The following NEK8 variants were observed in gnomAD, a reference collection of about 807,000 sequenced individuals.
NEK8 encodes NIMA related kinase 8, also known as serine/threonine-protein kinase Nek8.
A neutral mutation model predicts 77.2 loss-of-function variants in NEK8; 51 were observed. That is an observed-to-expected ratio of 0.66 (90% CI 0.53 to 0.83). The LOEUF (loss-of-function observed/expected upper bound fraction) is 0.83. NEK8 is among the 40% of genes least tolerant of loss of function. The probability of loss-of-function intolerance (pLI) is 0.00; values close to 1 mark genes in which losing one functional copy is unlikely to be tolerated. For synonymous variants in NEK8, 365 were observed against 363.2 expected (o/e 1.00, Z -0.06); for missense variants, 787 against 909.2 (o/e 0.87, Z 1.73).
intron 1 of NEK8, among the ~76,000 whole-genome samples, chr17:28,732,211 T>G (rs1597804339): frequency 6.6e-6 from 1 of 151,986 alleles, no homozygotes; most frequent in East Asian, 1.9e-4. Context: ...CCCAGCACTT[T>G]GGGAGGCCGA....
At position 28,737,772 on chromosome 17, in the gene NEK8, C is replaced by T; in HGVS notation, c.889+36C>T. 6.2e-7 allele frequency: 1 copy of T among 1,614,074 alleles called. No homozygotes were observed. The highest frequency in any genetic ancestry group is 8.5e-7 in the Non-Finnish European group (1 of 1,179,940). ...AGAGGCCGCCAGTCCCCATGGATGC[C>T]ACACCATTCCCATCAGTTTAATAGT... On this transcript the variant is annotated intron_variant, in intron 6 of 14. Transcript: ENST00000268766. The surrounding 1 kb of genome is among the most constrained non-coding windows in gnomAD (Gnocchi z 4.8).
Position 28,737,389 on chromosome 17 carries a change from G to A in NEK8, c.702G>A (p.Leu234=). ...SDRYSPELRQ[L]VLSLLSLEPA... is the part of the protein sequence containing the mutation. ...GGTACAGCCCTGAGCTTCGCCAGCTGGTCCTGAGTCTACTCAGCCTGGAGC... is the reference window on the plus strand; with the variant it reads ...GGTACAGCCCTGAGCTTCGCCAGCTAGTCCTGAGTCTACTCAGCCTGGAGC... The change falls in exon 5 of 15, where the codon CTG becomes CTA. Residue 234 remains leucine, a synonymous_variant. Transcript: ENST00000268766. This position sits in a 1 kb window ranked among gnomAD's most constrained non-coding sequence, Gnocchi z 4.8. 1 of 1,613,806 alleles carries A rather than the reference G, an allele frequency of 6.2e-7. No homozygotes were observed. The highest frequency in any genetic ancestry group is 8.5e-7 in the Non-Finnish European group (1 of 1,180,034).
chr17:28,739,157 T>C lies in NEK8; in HGVS notation c.1373T>C (p.Leu458Pro). ...VACGASHVLA[L>P]STERELFAWG... ...TGTGGGGCCTCTCACGTGCTGGCCC[T>C]GTCCACTGAGCGAGAACTATTTGCC... Residue 458 changes from leucine to proline, a missense_variant, in exon 10 of 15, where the codon CTG (leucine) becomes CCG (proline). Physicochemically the swap from Leu to Pro is moderately conservative, Grantham distance 98 (BLOSUM62 -3). Around this residue, in one of 2 missense-constraint regions of NEK8, gnomAD observed 516 missense variants for 544.0 expected, o/e 0.95. Coordinates refer to ENST00000268766, the MANE Select transcript of NEK8 (RefSeq NM_178170.3). The C allele has an allele frequency of 6.2e-7, 1 of 1,614,166 alleles. No individual in the cohort carries two copies. Among genetic ancestry groups the C allele is most frequent in the Non-Finnish European group, 8.5e-7 (1 of 1,179,996 alleles).
intron 1 of NEK8, among the ~76,000 whole-genome samples, chr17:28,731,263 G>A (rs533727145): frequency 1.3e-5 from 2 of 151,950 alleles, no homozygotes; most frequent in East Asian, 1.9e-4. Flanking sequence ...CAAAAAGGCC[G>A]GGCGTGGGGG....
Position 28,740,864 on chromosome 17 carries a change from G to A in NEK8, c.1611G>A (p.Glu537=), listed in dbSNP as rs1212577862. The A allele has an allele frequency of 1.9e-6, 3 of 1,613,972 alleles. No homozygotes were observed. The highest frequency in any genetic ancestry group is 2.2e-5 in the East Asian group (1 of 44,892). ...TGGACCACCTCTCCCTGGGGGAGGA[G>A]CCTGTCCCCCACCAGCAAGTGGAGG... ...LGLDHLSLGE[E]PVPHQQVEEA... Residue 537 remains glutamate, a synonymous_variant, in exon 12 of 15, where the codon GAG becomes GAA. Transcript: ENST00000268766. The surrounding 1 kb of genome is among the most constrained non-coding windows in gnomAD (Gnocchi z 4.7).
intron 10 of NEK8, 117 bp downstream of exon 10, chr17:28,739,318 CTTCA>C (rs1366960291): frequency 1.2e-6 from 1 of 800,440 alleles, no homozygotes; most frequent in African/African-American, 1.7e-5. Context: ...CTCAAATTCT[CTTCA>C]TTCATTCAAC....
In NEK8 at chr17:28,737,521, G is replaced by T. The variant is rs1376832922; in HGVS notation, c.827+7G>T. 2 of 1,613,030 alleles carry T rather than the reference G, an allele frequency of 1.2e-6. No homozygotes were observed. The highest frequency in any genetic ancestry group is 2.7e-5 in the African/African-American group (2 of 75,056). On this transcript the variant is annotated splice_region_variant and intron_variant, in intron 5 of 14. Transcript: ENST00000268766. The surrounding 1 kb of genome is among the most constrained non-coding windows in gnomAD (Gnocchi z 4.8). ...GCAGTGTCCGCATGCGGAGGCCTGT[G>T]CAGGGACAGCGAGCGGTCCTGGGCG...
Position 28,738,100 on chromosome 17 carries a change from A to G in NEK8, c.1077A>G (p.Pro359=), listed in dbSNP as rs775731270. Residue 359 remains proline, a synonymous_variant, in exon 8 of 15, where the codon CCA becomes CCG. Transcript: ENST00000268766. The part of the protein sequence containing the change: ...RSGRLILWEA[P]PLGAGGGSLL... ...CCATCCCCCTGCCCCTGCAGGCCCCACCCCTAGGTGCAGGCGGAGGCAGTC... is the reference window on the plus strand; with the variant it reads ...CCATCCCCCTGCCCCTGCAGGCCCCGCCCCTAGGTGCAGGCGGAGGCAGTC... 6.2e-7 allele frequency: 1 copy of G among 1,613,314 alleles called. No individual in the cohort carries two copies. Among genetic ancestry groups the G allele is most frequent in the Non-Finnish European group, 8.5e-7 (1 of 1,179,704 alleles).
At chr17:28,734,519 C>CAAA in intron 2 of NEK8, 13 of 484,664 alleles carry the variant, frequency 2.7e-5, no homozygotes, top group Non-Finnish European at 4.0e-5. Context: ...ACTAAAAATA[C>CAAA]AAAAAAAAAA....
At position 28,743,054 on chromosome 17, in the gene NEK8, C is replaced by T. The variant is rs190545060; in HGVS notation, c.*1067C>T. On this transcript the variant is annotated 3_prime_UTR_variant, in exon 15 of 15. Transcript: ENST00000268766. Reference sequence around the variant, plus strand: ...CACCACTGCACTCCAGCCTGGATGACAGAGCAAGTCTCCCTCTCAAAAAAA... The same window carrying T: ...CACCACTGCACTCCAGCCTGGATGATAGAGCAAGTCTCCCTCTCAAAAAAA... The T allele has an allele frequency of 8.3e-6, 1 of 120,318 alleles. No homozygotes were observed. Among genetic ancestry groups the T allele is most frequent in the Non-Finnish European group, 1.6e-5 (1 of 63,222 alleles). The allele number at this position is 120,318 out of a possible 1,614,324, so 7.5% of individuals were successfully genotyped here.
In NEK8 at chr17:28,734,066, A is replaced by T. The variant is rs202217310; in HGVS notation, c.131A>T (p.Glu44Val). Residue 44 changes from glutamate (E) to valine (V), a missense_variant, in exon 2 of 15, where the codon GAG becomes GTG. Physicochemically the swap from Glu to Val is moderately radical, Grantham distance 121. Coordinates refer to ENST00000268766, the MANE Select transcript of NEK8 (RefSeq NM_178170.3). ...QIPVEQMTKE[E>V]RQAAQNECQV... ...CCAGTGGAACAGATGACCAAGGAAG[A>T]GCGGCAGGCAGCCCAGAATGAGTGC... The T allele has an allele frequency of 1.2e-5, 20 of 1,614,124 alleles. No homozygotes were observed. The highest frequency in any genetic ancestry group is 1.6e-5 in the Non-Finnish European group (19 of 1,180,048).
At position 28,742,167 on chromosome 17, in the gene NEK8, G is replaced by T; in HGVS notation, c.*180G>T. The stretch of plus-strand genomic sequence containing the variant: ...TGGATATGGAAACCTCAACCACTTT[G>T]TTCTCCTACCACCTCTTTGCCCTTC... On this transcript the variant is annotated 3_prime_UTR_variant, in exon 15 of 15. Coordinates refer to ENST00000268766, the MANE Select transcript of NEK8 (RefSeq NM_178170.3). The T allele has an allele frequency of 1.4e-6, 1 of 718,324 alleles. No homozygotes were observed. The highest frequency in any genetic ancestry group is 1.5e-5 in the South Asian group (1 of 68,612). The allele number at this position is 718,324 out of a possible 1,614,324, so 44.5% of individuals were successfully genotyped here. A position where few individuals can be genotyped will look rare whatever the true frequency, so the allele number is the denominator to read the frequency against.
chr17:28,740,819 C>A lies in NEK8; in HGVS notation c.1569-3C>A. ...TGGATTTGGCTTCTGGCTCTGCCCT[C>A]AGGTTCAACAAGCTGGGCCTGGACC... On this transcript the variant is annotated splice_region_variant and splice_polypyrimidine_tract_variant and intron_variant, in intron 11 of 14. Transcript: ENST00000268766. This position sits in a 1 kb window ranked among gnomAD's most constrained non-coding sequence, Gnocchi z 4.7. 3.1e-6 allele frequency: 5 copies of A among 1,613,568 alleles called. No homozygotes were observed. The highest frequency in any genetic ancestry group is 4.2e-6 in the Non-Finnish European group (5 of 1,180,028).
intron 1 of NEK8, among the ~76,000 whole-genome samples, chr17:28,731,531 C>T (rs2034306680): frequency 6.6e-6 from 1 of 151,948 alleles, no homozygotes; most frequent in Non-Finnish European, 1.5e-5. Context: ...GAGTGAGACT[C>T]CTTCTCAAAA....
At position 28,743,156 on chromosome 17, in the gene NEK8, GGGCCTGCCTGGACTGGCCATTA is replaced by G. The variant is rs950835645; in HGVS notation, c.*1179_*1200del. ...CCATACTTTGGAGCAGGGCAAGCCA[GGGCCTGCCTGGACTGGCCATTA>G]GGCCTGCCTAGCTTCTGCATAGCCC... is the stretch of plus-strand genomic sequence containing the variant. On this transcript the variant is annotated 3_prime_UTR_variant, in exon 15 of 15. Transcript: ENST00000268766. The G allele has an allele frequency of 2.0e-5, 3 of 151,632 alleles. No homozygotes were observed. The highest frequency in any genetic ancestry group is 4.4e-5 in the Non-Finnish European group (3 of 68,034). The allele number at this position is 151,632 out of a possible 1,614,324, so 9.4% of individuals were successfully genotyped here.
chr17:28,738,699 C>A lies in NEK8; in HGVS notation c.1251C>A (p.Ser417Arg). 1 of 1,614,122 alleles carries A rather than the reference C, an allele frequency of 6.2e-7. No individual in the cohort carries two copies. The highest frequency in any genetic ancestry group is 8.5e-7 in the Non-Finnish European group (1 of 1,179,954). The change falls in exon 9 of 15, where the codon AGC becomes AGA. Residue 417 changes from serine (S) to arginine (R), a missense_variant. Coordinates refer to ENST00000268766, the MANE Select transcript of NEK8 (RefSeq NM_178170.3). ...TDRGIIMTFG[S>R]GSNGCLGHGS... ...GAGGCATCATCATGACATTCGGCAG[C>A]GGCAGCAATGGGTGCCTAGGCCATG...
intron 1 of NEK8, among the ~76,000 whole-genome samples, chr17:28,732,550 T>C (rs942701331): frequency 1.6e-4 from 21 of 134,710 alleles, no homozygotes; most frequent in South Asian, 1.0e-3. Flanking sequence ...CTTTTCTTTT[T>C]TTTTTTTTTT....
intron 2 of NEK8, 173 bp from the exon 3 acceptor site, chr17:28,734,599 G>A (rs1567759370): frequency 1.6e-6 from 1 of 621,838 alleles, no homozygotes; most frequent in Non-Finnish European, 2.9e-6. Flanking sequence ...CAGGAGAATG[G>A]CTTGAACCCG....
At chr17:28,738,029 G>A in intron 7 of NEK8, 29 bp downstream of exon 7, 1 of 1,612,760 alleles carries the variant, frequency 6.2e-7, no homozygotes, top group African/African-American at 1.3e-5. Flanking sequence ...GGCCTGGATG[G>A]GTGGAGGTGG....
Sources: gnomAD v4.1 joint callset for allele counts (sites outside exome capture counted in the v4.1 genomes callset) on GRCh38, gnomAD v4.1.1 for gene constraint, gnomAD v4.1.1 regional missense constraint, Gnocchi (gnomAD v3.1) non-coding constraint, MANE v1.5 for transcripts, NCBI Gene and HGNC (gene_info 2026-07-23, HGNC 2026-07-21) for gene names.